Variants in PUM1 observed in about 807,000 individuals in gnomAD.
PUM1 encodes the protein pumilio homolog 1.
A neutral mutation model predicts 131.8 loss-of-function variants in PUM1; 13 were observed. The ratio of observed to expected loss-of-function variants is 0.10; its 90% CI spans 0.06 to 0.16. The LOEUF is 0.16. Ranked by LOEUF, PUM1 falls within the 10% of genes least tolerant of loss-of-function variation. The pLI, the probability that PUM1 is intolerant of heterozygous loss-of-function variation, is 1.00. For synonymous variants in PUM1, 509 were observed against 556.5 expected (o/e 0.91, Z 1.20); for missense variants, 961 against 1,512.4 (o/e 0.64, Z 6.05).
At chr1:31,036,142 T>C (rs1369508984) in intron 2 of PUM1, among the ~76,000 whole-genome samples, 3 of 151,978 alleles carry the variant, frequency 2.0e-5, no homozygotes, top group Non-Finnish European at 4.4e-5. Flanking sequence ...CTATCTCGGC[T>C]CACTGCAACC....
intron 18 of PUM1, among the ~76,000 whole-genome samples, chr1:30,944,271 A>C (rs752948730): frequency 7.2e-5 from 11 of 152,280 alleles, no homozygotes; most frequent in Non-Finnish European, 5.9e-5. Context: ...CTGAAAATCT[A>C]TGTGCTTTTT....
chr1:30,973,818 C>A (rs549899219), intron 10 of PUM1, among the ~76,000 whole-genome samples: 1 of 151,822 alleles, frequency 6.6e-6, no homozygotes, highest in African/African-American at 2.4e-5. Context: ...TGGCCAGGCA[C>A]GGTGGTCACG....
intron 7 of PUM1, among the ~76,000 whole-genome samples, chr1:30,985,650 CAAAAAAAAAA>C (rs372548441): frequency 7.7e-5 from 5 of 65,242 alleles, no homozygotes; most frequent in Non-Finnish European, 1.0e-4. Context: ...AACTCCATCT[CAAAAAAAAAA>C]AAAAAAAAAG....
intron 10 of PUM1, among the ~76,000 whole-genome samples, chr1:30,974,425 G>A (rs772018848): frequency 6.6e-6 from 1 of 152,116 alleles, no homozygotes; most frequent in African/African-American, 2.4e-5. Flanking sequence ...TTCCCTATAG[G>A]TGAACTGGTT....
intron 17 of PUM1, among the ~76,000 whole-genome samples, chr1:30,946,731 T>C (rs1236874845): frequency 6.6e-6 from 1 of 150,996 alleles, no homozygotes; most frequent in Non-Finnish European, 1.5e-5. Flanking sequence ...TGAAAAATCA[T>C]AAGTCAGGGG....
chr1:30,970,109 T>C (rs1423563346), intron 10 of PUM1, among the ~76,000 whole-genome samples: 1 of 152,240 alleles, frequency 6.6e-6, no homozygotes, highest in Non-Finnish European at 1.5e-5. Flanking sequence ...CTAAAATTAC[T>C]ACAGTTCCTA....
chr1:31,042,622 T>C (rs1643858096), intron 2 of PUM1, among the ~76,000 whole-genome samples: 3 of 152,368 alleles, frequency 2.0e-5, no homozygotes, highest in African/African-American at 7.2e-5. Context: ...CTTTTTTAAC[T>C]GTTTGAAATT....
intron 18 of PUM1, among the ~76,000 whole-genome samples, chr1:30,942,480 G>A (rs941756368): frequency 2.0e-5 from 3 of 151,662 alleles, no homozygotes; most frequent in South Asian, 2.1e-4. Flanking sequence ...AAAAGACAGC[G>A]CTAACAACAG....
chr1:30,947,755 T>G (rs1416045912), intron 17 of PUM1, among the ~76,000 whole-genome samples: 1 of 152,164 alleles, frequency 6.6e-6, no homozygotes, highest in East Asian at 1.9e-4. Flanking sequence ...CCCAAAATGT[T>G]GAGTACCTCA....
intron 13 of PUM1, among the ~76,000 whole-genome samples, chr1:30,965,364 C>A (rs1264419860): frequency 6.6e-6 from 1 of 152,102 alleles, no homozygotes. Flanking sequence ...GTTAATGCTG[C>A]CCTCAATTCC....
chr1:31,035,569 T>C (rs1004394532), intron 2 of PUM1, among the ~76,000 whole-genome samples: 3 of 151,724 alleles, frequency 2.0e-5, no homozygotes, highest in Non-Finnish European at 4.4e-5. Context: ...CTGACCAACA[T>C]GGAGAAACAC....
Position 30,953,803 on chromosome 1 carries a change from T to C in PUM1, c.2502A>G (p.Glu834=). 1 of 1,614,240 alleles carries C rather than the reference T, an allele frequency of 6.2e-7. No homozygotes were observed. Among genetic ancestry groups the C allele is most frequent in the Non-Finnish European group, 8.5e-7 (1 of 1,180,046 alleles). ...VMPSGRSRLL[E]DFRNNRYPNL... ...TGGGGTACCGGTTGTTTCGAAAATC[T>C]TCCAAAAGCCTGCTCCTGCCAGAAG... The change falls in exon 15 of 22, where the codon GAA becomes GAG. Residue 834 remains glutamate (E), a synonymous_variant. Coordinates refer to ENST00000426105, the MANE Select transcript of PUM1 (RefSeq NM_001020658.2).
At chr1:31,039,597 G>A (rs1302659364) in intron 2 of PUM1, among the ~76,000 whole-genome samples, 2 of 152,172 alleles carry the variant, frequency 1.3e-5, no homozygotes, top group Admixed American at 6.5e-5. Context: ...GGCTATAGAT[G>A]GGTGTATATA....
At chr1:31,037,493 C>A (rs918510184) in intron 2 of PUM1, among the ~76,000 whole-genome samples, 1 of 152,020 alleles carries the variant, frequency 6.6e-6, no homozygotes, top group South Asian at 2.1e-4. Flanking sequence ...CCAAGGCGGG[C>A]GGATCACTTG....
intron 18 of PUM1, among the ~76,000 whole-genome samples, chr1:30,944,367 A>G (rs1639583669): frequency 6.6e-6 from 1 of 152,216 alleles, no homozygotes; most frequent in South Asian, 2.1e-4. Flanking sequence ...CACCCACCTT[A>G]GGAGACTGTA....
At chr1:31,015,653 T>A (rs1642788364) in intron 3 of PUM1, among the ~76,000 whole-genome samples, 1 of 150,166 alleles carries the variant, frequency 6.7e-6, no homozygotes, top group Non-Finnish European at 1.5e-5. Context: ...TTCAATGTAA[T>A]TTATTTATTT....
intron 2 of PUM1, among the ~76,000 whole-genome samples, chr1:31,037,940 G>A (rs958608739): frequency 6.6e-5 from 10 of 151,850 alleles, no homozygotes; most frequent in East Asian, 1.9e-4. Flanking sequence ...TTAGCCAGGC[G>A]TGGTGGCAGG....
intron 13 of PUM1, among the ~76,000 whole-genome samples, chr1:30,965,398 A>G (rs538393491): frequency 1.3e-5 from 2 of 152,320 alleles, no homozygotes; most frequent in Admixed American, 6.5e-5. Context: ...TCTTTCACAC[A>G]TGCCCTTCTA....
At chr1:30,951,499 G>C (rs1464062633) in intron 16 of PUM1, among the ~76,000 whole-genome samples, 2 of 152,112 alleles carry the variant, frequency 1.3e-5, no homozygotes, top group Non-Finnish European at 2.9e-5. Context: ...TAGGTAATGT[G>C]CAGAATTCCA....
Sources: gnomAD v4.1 joint callset for allele counts (sites outside exome capture counted in the v4.1 genomes callset) on GRCh38, gnomAD v4.1.1 for gene constraint, MANE v1.5 for transcripts, NCBI Gene and HGNC (gene_info 2026-07-23, HGNC 2026-07-21) for gene names.